ANKRD26: variants seen among roughly 807,000 people sequenced by gnomAD.
ANKRD26 encodes ankyrin repeat domain-containing protein 26.
ANKRD26 carries 141 observed loss-of-function variants against 208.7 expected under a neutral mutation model. That is an observed-to-expected ratio of 0.68 (90% CI 0.59 to 0.78). The LOEUF is 0.78. Among genes scored for constraint, ANKRD26 ranks in the 30% least tolerant of loss-of-function variants. The probability of loss-of-function intolerance (pLI) is 0.00; values close to 1 mark genes in which losing one functional copy is unlikely to be tolerated. For missense variants in ANKRD26, 1,889 were observed against 1,938.7 expected (o/e 0.97, Z 0.48); for synonymous variants, 636 against 660.4 (o/e 0.96, Z 0.57).
chr10:27,027,046 A>G (rs1439724059), intron 27 of ANKRD26, among the ~76,000 whole-genome samples: 2 of 152,188 alleles, frequency 1.3e-5, no homozygotes, highest in African/African-American at 4.8e-5. Flanking sequence ...TCGGCCTCCC[A>G]AAGTGCTGGG....
At chr10:27,081,066 A>G (rs889056352) in intron 6 of ANKRD26, 74 of 504,724 alleles carry the variant, frequency 1.5e-4, no homozygotes, top group Non-Finnish European at 1.8e-4. Flanking sequence ...GTACATTCCT[A>G]CTGGCTGTAG....
intron 25 of ANKRD26, among the ~76,000 whole-genome samples, chr10:27,030,957 C>A (rs11015464): frequency 1.3e-5 from 2 of 152,012 alleles, no homozygotes; most frequent in Non-Finnish European, 1.5e-5. Context: ...AAGTTTCTCT[C>A]TTATGAAAAA....
chr10:26,974,304 T>G (rs1316065612), exon 6 of ANKRD26, among the ~76,000 whole-genome samples: 1 of 151,844 alleles, frequency 6.6e-6, no homozygotes, highest in Non-Finnish European at 1.5e-5. Flanking sequence ...ATGTTCTGGG[T>G]CATCATTCCT....
At chr10:27,042,269 T>C (rs1203422097) in intron 20 of ANKRD26, among the ~76,000 whole-genome samples, 1 of 152,202 alleles carries the variant, frequency 6.6e-6, no homozygotes, top group East Asian at 1.9e-4. Context: ...CTTGAATCCA[T>C]ACTTCAATCC....
At chr10:26,972,039 T>A (rs190752132), downstream of ANKRD26, among the ~76,000 whole-genome samples, 1 of 151,850 alleles carries the variant, frequency 6.6e-6, no homozygotes. Flanking sequence ...ATCGAGACCA[T>A]CCTGGCTAAC....
intron 31 of ANKRD26, 93 bp from the exon 32 acceptor site, chr10:27,013,203 G>A: frequency 9.1e-7 from 1 of 1,093,360 alleles, no homozygotes; most frequent in Non-Finnish European, 1.4e-6. Context: ...TACCATAGGA[G>A]TAAATGAAAT....
chr10:26,967,807 T>C, the ANKRD26 span, among the ~76,000 whole-genome samples: 1 of 152,116 alleles, frequency 6.6e-6, no homozygotes, highest in Non-Finnish European at 1.5e-5. Flanking sequence ...ATAACCTACA[T>C]CTAATCATTT....
intron 30 of ANKRD26, among the ~76,000 whole-genome samples, chr10:27,015,081 A>G (rs1212251895): frequency 1.3e-5 from 2 of 152,226 alleles, no homozygotes; most frequent in Non-Finnish European, 2.9e-5. Context: ...AAATGACTAC[A>G]AATGTGGAGA....
chr10:26,973,409 T>G (rs529629856), downstream of ANKRD26, among the ~76,000 whole-genome samples: 211 of 151,984 alleles, frequency 1.4e-3, no homozygotes, highest in South Asian at 5.0e-3. Context: ...GATTTTAATA[T>G]AATTGTTATT....
exon 5 of ANKRD26, among the ~76,000 whole-genome samples, chr10:26,980,718 T>C (rs1405748776): frequency 6.6e-6 from 1 of 152,190 alleles, no homozygotes; most frequent in African/African-American, 2.4e-5. Flanking sequence ...TAGACCACCC[T>C]GTTGCCTTCT....
intron 25 of ANKRD26, among the ~76,000 whole-genome samples, chr10:27,032,870 GA>G (rs1589248008): frequency 6.7e-6 from 1 of 148,830 alleles, no homozygotes; most frequent in East Asian, 2.0e-4. Flanking sequence ...ATAAAATTTA[GA>G]CCATCCTGGC....
At chr10:26,983,467 C>G (rs1029181188) in intron 3 of ANKRD26, among the ~76,000 whole-genome samples, 4 of 152,132 alleles carry the variant, frequency 2.6e-5, no homozygotes, top group African/African-American at 9.7e-5. Context: ...GTACCCAATT[C>G]GTGGTATGCT....
chr10:27,091,909 C>A (rs1251867142), intron 4 of ANKRD26, among the ~76,000 whole-genome samples: 3 of 151,880 alleles, frequency 2.0e-5, no homozygotes, highest in African/African-American at 7.3e-5. Flanking sequence ...ATCGCTTGAA[C>A]CCAGGAGGTG....
intron 10 of ANKRD26, among the ~76,000 whole-genome samples, 188 bp from the exon 11 acceptor site, chr10:27,066,736 C>G (rs2055262403): frequency 6.6e-6 from 1 of 151,644 alleles, no homozygotes; most frequent in African/African-American, 2.4e-5. Context: ...TGAAGAAAGA[C>G]AGCAAAAGAA....
At chr10:27,099,884 G>C (rs2056591041) in intron 1 of ANKRD26, among the ~76,000 whole-genome samples, 1 of 152,054 alleles carries the variant, frequency 6.6e-6, no homozygotes, top group South Asian at 2.1e-4. Context: ...CGGGGGGATC[G>C]GAAACCAGCT....
intron 28 of ANKRD26, among the ~76,000 whole-genome samples, chr10:27,024,028 T>G (rs1033521354): frequency 1.1e-5 from 1 of 88,082 alleles, no homozygotes; most frequent in South Asian, 3.8e-4. Flanking sequence ...AAAGAAAGCA[T>G]AAGCTAAATC....
At chr10:27,065,743 AAC>A (rs1491423786) in intron 11 of ANKRD26, among the ~76,000 whole-genome samples, 2 of 150,122 alleles carry the variant, frequency 1.3e-5, no homozygotes, top group African/African-American at 4.9e-5. Flanking sequence ...AAAAAAAAAA[AAC>A]AAAAAAAACT....
At chr10:27,078,910 T>TAAAAAAAAAAAA (rs71281564) in intron 7 of ANKRD26, among the ~76,000 whole-genome samples, 179 bp downstream of exon 7, 1 of 74,596 alleles carries the variant, frequency 1.3e-5, no homozygotes. Flanking sequence ...TTTACCAAAG[T>TAAAAAAAAAAAA]AAAAAAAAAA....
At position 27,035,275 on chromosome 10, in the gene ANKRD26, T is replaced by C; in HGVS notation, c.3175A>G (p.Asn1059Asp). ...NFDVSNLKDN[N>D]EILSQQLFKT... ...AATAGTTGTTGAGAAAGAATCTCAT[T>C]GTTATCTTTTAGGTTAGACACATCA... The change falls in exon 24 of 34, where the codon AAT becomes GAT. Residue 1059 changes from asparagine (N) to aspartate (D), a missense_variant. Asn to Asp is a conservative substitution (Grantham distance 23, BLOSUM62 1). Transcript: ENST00000376087. 6.2e-7 allele frequency: 1 copy of C among 1,613,930 alleles called. No individual in the cohort carries two copies. Among genetic ancestry groups the C allele is most frequent in the Non-Finnish European group, 8.5e-7 (1 of 1,179,874 alleles).
Sources: gnomAD v4.1 joint callset for allele counts (sites outside exome capture counted in the v4.1 genomes callset) on GRCh38, gnomAD v4.1.1 for gene constraint, MANE v1.5 for transcripts, NCBI Gene and HGNC (gene_info 2026-07-23, HGNC 2026-07-21) for gene names.